ST8SIA6: variants seen among roughly 807,000 people sequenced by gnomAD.
ST8SIA6 encodes ST8 alpha-N-acetyl-neuraminide alpha-2,8-sialyltransferase 6, also known as alpha-2,8-sialyltransferase 8F.
ST8SIA6 carries 39 observed loss-of-function variants against 33.6 expected under a neutral mutation model. The ratio of observed to expected loss-of-function variants is 1.16; its 90% CI spans 0.90 to 1.52. ST8SIA6 has a LOEUF of 1.52. ST8SIA6 is among the 40% of genes most tolerant of loss of function. The probability of loss-of-function intolerance (pLI) is 0.00; values close to 1 mark genes in which losing one functional copy is unlikely to be tolerated. For missense variants in ST8SIA6, 441 were observed against 443.8 expected, an observed-to-expected ratio of 0.99 and a Z score of 0.06; for synonymous variants, 172 against 167.2, an observed-to-expected ratio of 1.03 and a Z score of -0.22.
At chr10:17,347,316 G>A (rs753459078) in intron 4 of ST8SIA6, among the ~76,000 whole-genome samples, 6 of 152,120 alleles carry the variant, frequency 3.9e-5, no homozygotes, top group Non-Finnish European at 8.8e-5. Flanking sequence ...AAAGTTTGGC[G>A]ATGGACTAGA....
At chr10:17,338,384 T>C (rs1274522557) in intron 4 of ST8SIA6, among the ~76,000 whole-genome samples, 2 of 152,230 alleles carry the variant, frequency 1.3e-5, no homozygotes, top group Non-Finnish European at 2.9e-5. Context: ...GGGTAAGTTA[T>C]ATGACCAAAG....
At chr10:17,365,663 G>A (rs1185452766) in intron 3 of ST8SIA6, among the ~76,000 whole-genome samples, 1 of 152,158 alleles carries the variant, frequency 6.6e-6, no homozygotes, top group East Asian at 1.9e-4. Flanking sequence ...AGTATACATA[G>A]GGTTCTGCAT....
intron 4 of ST8SIA6, among the ~76,000 whole-genome samples, chr10:17,353,439 T>C (rs1189003650): frequency 6.6e-6 from 1 of 152,170 alleles, no homozygotes; most frequent in Non-Finnish European, 1.5e-5. Context: ...AGGTGGTAGA[T>C]ATGCAGGTGT....
At chr10:17,359,691 TATAA>T (rs1849321280) in intron 3 of ST8SIA6, 91 bp from the exon 4 acceptor site, 2 of 680,554 alleles carry the variant, frequency 2.9e-6, no homozygotes, top group Admixed American at 3.7e-5. Flanking sequence ...CCCTTTAGTC[TATAA>T]ATATTTTTTG....
chr10:17,379,302 TGA>T (rs921314075), intron 3 of ST8SIA6, among the ~76,000 whole-genome samples: 2 of 142,820 alleles, frequency 1.4e-5, no homozygotes, highest in African/African-American at 5.6e-5. Flanking sequence ...AGAGTGAAAG[TGA>T]GAGAGAAAGA....
intron 4 of ST8SIA6, among the ~76,000 whole-genome samples, chr10:17,333,717 A>ATATATTTT (rs1251981910): frequency 5.9e-5 from 2 of 33,770 alleles, no homozygotes; most frequent in African/African-American, 1.7e-4. Flanking sequence ...ATATATATAT[A>ATATATTTT]TTTTTTTTTT....
intron 2 of ST8SIA6, among the ~76,000 whole-genome samples, chr10:17,443,907 C>T (rs1414933608): frequency 1.3e-5 from 2 of 152,214 alleles, no homozygotes; most frequent in African/African-American, 2.4e-5. Flanking sequence ...AGAACCCTCG[C>T]ACCCTTAGAT....
intron 4 of ST8SIA6, among the ~76,000 whole-genome samples, chr10:17,348,925 G>GT (rs1320177254): frequency 1.3e-5 from 2 of 152,086 alleles, no homozygotes; most frequent in Admixed American, 6.6e-5. Context: ...GGCGGGAAGC[G>GT]TAACTCTTGG....
chr10:17,360,811 G>C (rs1849357131), intron 3 of ST8SIA6, among the ~76,000 whole-genome samples: 1 of 151,958 alleles, frequency 6.6e-6, no homozygotes, highest in African/African-American at 2.4e-5. Context: ...AGGCCCAACT[G>C]TGTGACTAAT....
chr10:17,356,455 A>G (rs1217367978), intron 4 of ST8SIA6, among the ~76,000 whole-genome samples: 1 of 151,006 alleles, frequency 6.6e-6, no homozygotes, highest in Non-Finnish European at 1.5e-5. Context: ...TACAATTTAG[A>G]TCACTGCAAC....
At chr10:17,372,677 T>A (rs1053138882) in intron 3 of ST8SIA6, among the ~76,000 whole-genome samples, 1 of 152,214 alleles carries the variant, frequency 6.6e-6, no homozygotes, top group Non-Finnish European at 1.5e-5. Flanking sequence ...GACAAAAATA[T>A]AATAATGTAA....
At chr10:17,419,586 T>G (rs1851715371) in intron 2 of ST8SIA6, among the ~76,000 whole-genome samples, 1 of 152,096 alleles carries the variant, frequency 6.6e-6, no homozygotes, top group Non-Finnish European at 1.5e-5. Context: ...CACAGTCGCG[T>G]TTCCATTGCC....
At chr10:17,374,114 C>T (rs1251477219) in intron 3 of ST8SIA6, among the ~76,000 whole-genome samples, 4 of 141,918 alleles carry the variant, frequency 2.8e-5, no homozygotes, top group East Asian at 4.2e-4. Context: ...CACACACACA[C>T]GGGAAAAGTA....
At chr10:17,424,746 T>C (rs1338797900) in intron 2 of ST8SIA6, among the ~76,000 whole-genome samples, 1 of 151,950 alleles carries the variant, frequency 6.6e-6, no homozygotes, top group South Asian at 2.1e-4. Context: ...AAATTTTTTT[T>C]TTTTTTTTTG....
At chr10:17,367,876 A>C (rs1849603621) in intron 3 of ST8SIA6, among the ~76,000 whole-genome samples, 2 of 152,174 alleles carry the variant, frequency 1.3e-5, no homozygotes, top group Non-Finnish European at 2.9e-5. Context: ...TAAACCATAT[A>C]TGAGTGGCTA....
At chr10:17,377,928 A>G (rs191582158) in intron 3 of ST8SIA6, among the ~76,000 whole-genome samples, 3 of 152,186 alleles carry the variant, frequency 2.0e-5, no homozygotes, top group Non-Finnish European at 1.5e-5. Context: ...ACCCCTGACC[A>G]TAGACAATAC....
intron 3 of ST8SIA6, among the ~76,000 whole-genome samples, chr10:17,368,792 G>A (rs1402355206): frequency 6.6e-6 from 1 of 152,164 alleles, no homozygotes; most frequent in Non-Finnish European, 1.5e-5. Context: ...GTAAAGGCAG[G>A]CATGGTGTGT....
rs956928887 is a variant in ST8SIA6 at position 17,454,034 on chromosome 10, G to C, written c.101+121C>G. ...ACTCTCAGGCCGTCGCCGCCCGTGG[G>C]CTGCTCCCCGCCGCGGCCAAAAGTC... On this transcript the variant is annotated intron_variant, in intron 1 of 7. Coordinates refer to ENST00000377602, the MANE Select transcript of ST8SIA6 (RefSeq NM_001004470.3). The surrounding 1 kb of genome is among the most constrained non-coding windows in gnomAD (Gnocchi z 4.1). The C allele has an allele frequency of 1.2e-5, 3 of 248,572 alleles. No individual in the cohort carries two copies. Among genetic ancestry groups the C allele is most frequent in the Non-Finnish European group, 2.3e-5 (3 of 131,874 alleles). The allele number at this position is 248,572 out of a possible 1,614,324, so 15.4% of individuals were successfully genotyped here. A position where few individuals can be genotyped will look rare whatever the true frequency, so the allele number is the denominator to read the frequency against.
At chr10:17,450,257 G>C (rs938722013) in intron 2 of ST8SIA6, among the ~76,000 whole-genome samples, 1 of 152,156 alleles carries the variant, frequency 6.6e-6, no homozygotes, top group African/African-American at 2.4e-5. Flanking sequence ...CAACACCTGA[G>C]GGAAAAGAAA....
Sources: gnomAD v4.1 joint callset for allele counts (sites outside exome capture counted in the v4.1 genomes callset) on GRCh38, gnomAD v4.1.1 for gene constraint, Gnocchi (gnomAD v3.1) non-coding constraint, MANE v1.5 for transcripts, NCBI Gene and HGNC (gene_info 2026-07-23, HGNC 2026-07-21) for gene names.